DSC3: variants seen among roughly 807,000 people sequenced by gnomAD.
DSC3 encodes desmocollin-3.
A neutral mutation model predicts 89.5 loss-of-function variants in DSC3; 97 were observed. That is an observed-to-expected ratio of 1.08 (90% CI 0.92 to 1.28). The LOEUF is 1.28. Ranked by LOEUF, DSC3 falls within the 50% of genes most tolerant of loss-of-function variation. The pLI, the probability that DSC3 is intolerant of heterozygous loss-of-function variation, is 0.00. For missense variants in DSC3, 1,199 were observed against 1,085.3 expected, an observed-to-expected ratio of 1.10 and a Z score of -1.47; for synonymous variants, 436 against 384.1, an observed-to-expected ratio of 1.14 and a Z score of -1.58.
Position 30,996,979 on chromosome 18 carries a change from A to T in DSC3, c.2305T>A (p.Ser769Thr), listed in dbSNP as rs1221391971. Residue 769 changes from serine (S) to threonine (T), a missense_variant, in exon 15 of 16, where the codon TCA becomes ACA. Transcript: ENST00000360428. ...TCCTGCCCTCCATTTTTCATTCCTG[A>T]TCCCATAGTACCACAAAAACCTTGG... is the stretch of plus-strand genomic sequence containing the variant. Reference protein sequence around the residue: ...SSQGFCGTMGSGMKNGGQETI... With the variant: ...SSQGFCGTMGTGMKNGGQETI... 6.2e-7 allele frequency: 1 copy of T among 1,613,946 alleles called. No homozygotes were observed. Among genetic ancestry groups the T allele is most frequent in the Non-Finnish European group, 8.5e-7 (1 of 1,180,018 alleles).
At chr18:30,997,441 C>G (rs945093489) in intron 14 of DSC3, among the ~76,000 whole-genome samples, 2 of 152,060 alleles carry the variant, frequency 1.3e-5, no homozygotes, top group Non-Finnish European at 1.5e-5. Flanking sequence ...TTACAATAAG[C>G]TTTCATGATA....
chr18:31,019,132 C>G (rs998632185), intron 7 of DSC3, among the ~76,000 whole-genome samples: 1 of 152,158 alleles, frequency 6.6e-6, no homozygotes, highest in Admixed American at 6.5e-5. Context: ...AGTCTCATAC[C>G]GTCACCCAGG....
intron 12 of DSC3, among the ~76,000 whole-genome samples, chr18:31,005,803 C>T (rs1017355427): frequency 2.0e-5 from 3 of 152,096 alleles, no homozygotes; most frequent in Non-Finnish European, 2.9e-5. Context: ...ATGCAGGTAG[C>T]GAAGGGTCAT....
At position 31,007,239 on chromosome 18, in the gene DSC3, GATT is replaced by G. The variant is rs1984885122; in HGVS notation, c.1664-111_1664-109del. 7 of 729,852 alleles carry G rather than the reference GATT, an allele frequency of 9.6e-6. No homozygotes were observed. In the Admixed American group the frequency reaches 1.8e-4, roughly 19 times the overall value. 45.2% of individuals were successfully genotyped at this position (729,852 alleles called of 1,614,324 possible). On this transcript the variant is annotated intron_variant, in intron 11 of 15. Transcript: ENST00000360428. ...TACATGATCTGTTTTTAAATAAACTGATTATTAAAGGAAATGATAAATAAATAA... is the reference window on the plus strand; with the variant it reads ...TACATGATCTGTTTTTAAATAAACTGATTAAAGGAAATGATAAATAAATAA...
At chr18:31,020,549 G>A (rs749663811) in intron 7 of DSC3, among the ~76,000 whole-genome samples, 11 of 152,092 alleles carry the variant, frequency 7.2e-5, no homozygotes, top group Admixed American at 1.3e-4. Context: ...TTTACTGTTC[G>A]TTAGTCACGC....
chr18:31,031,417 C>A (rs774433689), intron 2 of DSC3, among the ~76,000 whole-genome samples: 8 of 151,812 alleles, frequency 5.3e-5, no homozygotes, highest in Non-Finnish European at 1.0e-4. Context: ...TTATATGCTT[C>A]TAATAGACTT....
At chr18:31,037,897 C>CAAA (rs567216995) in intron 1 of DSC3, among the ~76,000 whole-genome samples, 1 of 137,220 alleles carries the variant, frequency 7.3e-6, no homozygotes, top group African/African-American at 2.7e-5. Context: ...AACTCCATCT[C>CAAA]AAAAAAAAAA....
intron 7 of DSC3, among the ~76,000 whole-genome samples, chr18:31,020,995 A>G (rs1313669854): frequency 1.3e-5 from 2 of 151,940 alleles, no homozygotes; most frequent in African/African-American, 4.8e-5. Flanking sequence ...CCACCTTAAA[A>G]TGCTCTTCCC....
chr18:31,032,925 A>G (rs115787862), intron 1 of DSC3, among the ~76,000 whole-genome samples: 2,052 of 152,266 alleles, frequency 0.013, 58 homozygotes, highest in African/African-American at 0.047. Context: ...AAATTTGTAG[A>G]CAGAAAATCC....
At chr18:31,014,732 A>G (rs751189926) in intron 9 of DSC3, among the ~76,000 whole-genome samples, 3 of 152,186 alleles carry the variant, frequency 2.0e-5, no homozygotes, top group Non-Finnish European at 4.4e-5. Context: ...AAGGGGCTGC[A>G]GATGTAATAT....
chr18:31,018,287 A>T, intron 8 of DSC3, 31 bp from the exon 9 acceptor site: 1 of 1,575,398 alleles, frequency 6.3e-7, no homozygotes, highest in Middle Eastern at 2.1e-4. Context: ...TGAAAATTGA[A>T]ATTTTATTTT....
intron 11 of DSC3, 123 bp from the exon 12 acceptor site, chr18:31,007,254 T>G (rs1253427785): frequency 1.4e-6 from 1 of 689,866 alleles, no homozygotes; most frequent in Non-Finnish European, 2.4e-6. Context: ...TTAAAGGAAA[T>G]GATAAATAAA....
chr18:31,022,762 T>A (rs1985466740), intron 6 of DSC3, among the ~76,000 whole-genome samples: 1 of 152,190 alleles, frequency 6.6e-6, no homozygotes, highest in Admixed American at 6.5e-5. Context: ...CTAAATAAAT[T>A]AGTTAAATGG....
intron 4 of DSC3, among the ~76,000 whole-genome samples, chr18:31,028,973 A>T (rs1985690406): frequency 2.6e-5 from 4 of 152,094 alleles, no homozygotes; most frequent in Admixed American, 2.6e-4. Context: ...CTTCTTCTGC[A>T]ATTATTTACC....
chr18:31,025,437 G>A (rs1201153062), intron 5 of DSC3, among the ~76,000 whole-genome samples: 3 of 152,136 alleles, frequency 2.0e-5, no homozygotes, highest in Admixed American at 2.0e-4. Context: ...ATGAGGAAAA[G>A]GTGCCAGCAA....
At position 30,996,868 on chromosome 18, in the gene DSC3, C is replaced by T. The variant is rs376919910; in HGVS notation, c.2416G>A (p.Gly806Arg). 6.2e-7 allele frequency: 1 copy of T among 1,613,808 alleles called. No homozygotes were observed. Among genetic ancestry groups the T allele is most frequent in the Non-Finnish European group, 8.5e-7 (1 of 1,179,974 alleles). ...GHHHTLDSCR[G>R]GHTEVDNCRY... ...CAGTTGTCCACCTCCGTGTGTCCTCCCCTGCAGGAGTCCAGGGTATGATGA... is the reference window on the plus strand; with the variant it reads ...CAGTTGTCCACCTCCGTGTGTCCTCTCCTGCAGGAGTCCAGGGTATGATGA... The change falls in exon 15 of 16, where the codon GGA (glycine) becomes AGA (arginine). Residue 806 changes from glycine to arginine, a missense_variant. By Grantham distance (125) the Gly-to-Arg change is moderately radical (BLOSUM62 -2). Coordinates refer to ENST00000360428, the MANE Select transcript of DSC3 (RefSeq NM_001941.5).
At position 30,994,042 on chromosome 18, in the gene DSC3, A is replaced by G; in HGVS notation, c.*133T>C. ...AAGCAACAACTTGCTTTAAAAATAT[A>G]AATTGGTGAGTAGCATAATTCAAAA... On this transcript the variant is annotated 3_prime_UTR_variant, in exon 16 of 16. Transcript: ENST00000360428. The G allele has an allele frequency of 2.3e-6, 2 of 883,288 alleles. No individual in the cohort carries two copies. The highest frequency in any genetic ancestry group is 3.2e-5 in the South Asian group (2 of 61,978). 54.7% of individuals were successfully genotyped at this position (883,288 alleles called of 1,614,324 possible). A position where few individuals can be genotyped will look rare whatever the true frequency, so the allele number is the denominator to read the frequency against.
At chr18:31,019,358 G>C (rs539841863) in intron 7 of DSC3, among the ~76,000 whole-genome samples, 16 of 152,198 alleles carry the variant, frequency 1.1e-4, no homozygotes, top group African/African-American at 3.6e-4. Context: ...CAAAGTGCTA[G>C]GATTACAGGC....
chr18:31,018,057 A>T lies in DSC3; in HGVS notation c.1263+14T>A. On this transcript the variant is annotated intron_variant, in intron 9 of 15. Coordinates refer to ENST00000360428, the MANE Select transcript of DSC3 (RefSeq NM_001941.5). ...CTGTTAATTTGCTAAGTTGTCAATT[A>T]TACATTACTGTACCTTTACAACAGA... The T allele has an allele frequency of 6.2e-7, 1 of 1,606,372 alleles. No homozygotes were observed. The highest frequency in any genetic ancestry group is 1.1e-5 in the South Asian group (1 of 90,456).
Sources: gnomAD v4.1 joint callset for allele counts (sites outside exome capture counted in the v4.1 genomes callset) on GRCh38, gnomAD v4.1.1 for gene constraint, MANE v1.5 for transcripts, NCBI Gene and HGNC (gene_info 2026-07-23, HGNC 2026-07-21) for gene names.